RNF212B: variants seen among roughly 807,000 people sequenced by gnomAD.
The protein encoded by RNF212B is ring finger protein 212B, also known as E3 ubiquitin-protein ligase RNF212B.
Under a neutral mutation model 55.5 loss-of-function variants are expected in RNF212B, and 52 were observed. That is an observed-to-expected ratio of 0.94 (90% CI 0.75 to 1.18). The LOEUF is 1.18. Among genes scored for constraint, RNF212B ranks in the 50% most tolerant of loss-of-function variants. The probability of loss-of-function intolerance (pLI) is 0.00; values close to 1 mark genes in which losing one functional copy is unlikely to be tolerated. For synonymous variants in RNF212B, 99 were observed against 121.4 expected, an observed-to-expected ratio of 0.82 and a Z score of 1.21; for missense variants, 289 against 350.4, an observed-to-expected ratio of 0.82 and a Z score of 1.40.
At chr14:23,214,782 AGAG>A (rs1373387100) in intron 2 of RNF212B, among the ~76,000 whole-genome samples, 1 of 152,112 alleles carries the variant, frequency 6.6e-6, no homozygotes, top group Non-Finnish European at 1.5e-5. Context: ...GAGGAGAAAA[AGAG>A]GAGAAAAAAT....
In RNF212B at chr14:23,258,721, T is replaced by A. The variant is rs537652284; in HGVS notation, c.344+57T>A. 82 of 768,298 alleles carry A rather than the reference T, an allele frequency of 1.1e-4. No individual in the cohort carries two copies. In the African/African-American group the frequency reaches 1.3e-3, roughly 12 times the overall value. 47.6% of individuals were successfully genotyped at this position (768,298 alleles called of 1,614,324 possible). On this transcript the variant is annotated intron_variant, in intron 5 of 14. Coordinates refer to ENST00000430154, the MANE Select transcript of RNF212B (RefSeq NM_001282322.3). Reference sequence around the variant, plus strand: ...TTTTTTTTTTTTTTTTTCTAAGAAGTGACAGTCCTTATTGTGTTTGCAAAG... The same window carrying A: ...TTTTTTTTTTTTTTTTTCTAAGAAGAGACAGTCCTTATTGTGTTTGCAAAG...
chr14:23,255,005 A>C (rs1884719163), intron 4 of RNF212B, among the ~76,000 whole-genome samples: 1 of 152,242 alleles, frequency 6.6e-6, no homozygotes, highest in Admixed American at 6.5e-5. Context: ...CCAAAATGGA[A>C]TTACTCATGC....
chr14:23,269,212 G>A (rs998751362), intron 12 of RNF212B, among the ~76,000 whole-genome samples: 2 of 152,152 alleles, frequency 1.3e-5, no homozygotes, highest in African/African-American at 4.8e-5. Flanking sequence ...GTTGAGGCAG[G>A]AGAATTGCTG....
chr14:23,240,183 A>G (rs900806302), intron 1 of RNF212B, among the ~76,000 whole-genome samples, 162 bp from the exon 2 acceptor site: 1 of 152,104 alleles, frequency 6.6e-6, no homozygotes, highest in African/African-American at 2.4e-5. Flanking sequence ...TTCACTGTAT[A>G]TGTACATATA....
chr14:23,260,607 G>T, intron 6 of RNF212B, 52 bp from the exon 7 acceptor site: 1 of 1,510,894 alleles, frequency 6.6e-7, no homozygotes, highest in Admixed American at 2.0e-5. Context: ...AAGATCTGTT[G>T]ATTAGGATCC....
At chr14:23,270,775 A>T (rs1886017964) in intron 14 of RNF212B, 114 bp downstream of exon 14, 1 of 691,638 alleles carries the variant, frequency 1.4e-6, no homozygotes, top group Non-Finnish European at 2.6e-6. Context: ...ATGGGTTTCA[A>T]CTCTGGTAAC....
At chr14:23,205,479 C>G (rs2331942) in intron 2 of RNF212B, among the ~76,000 whole-genome samples, 74,187 of 151,986 alleles carry the variant, frequency 0.49, 20,046 homozygotes, top group African/African-American at 0.73. Context: ...TATTTTAATT[C>G]TTTACCTAGA....
intron 1 of RNF212B, among the ~76,000 whole-genome samples, chr14:23,239,324 T>C (rs1424806351): frequency 6.6e-6 from 1 of 152,158 alleles, no homozygotes; most frequent in Non-Finnish European, 1.5e-5. Context: ...CCTCCCAAAG[T>C]GCTGGGATTA....
At chr14:23,203,132 A>G (rs140420240) in intron 2 of RNF212B, among the ~76,000 whole-genome samples, 1,733 of 151,372 alleles carry the variant, frequency 0.011, 25 homozygotes, top group African/African-American at 0.04. Flanking sequence ...TCATCCCCCC[A>G]ACCCTCACCC....
chr14:23,250,339 G>A (rs1265394950), intron 4 of RNF212B, among the ~76,000 whole-genome samples: 1 of 151,898 alleles, frequency 6.6e-6, no homozygotes, highest in African/African-American at 2.4e-5. Flanking sequence ...AATTAGCCAG[G>A]TGTCATGGTG....
intron 2 of RNF212B, among the ~76,000 whole-genome samples, chr14:23,194,734 C>CAAAAAAAAAAAA (rs34019946): frequency 1.3e-5 from 1 of 74,962 alleles, no homozygotes; most frequent in Admixed American, 1.9e-4. Context: ...GACTCTGTCT[C>CAAAAAAAAAAAA]AAAAAAAAAA....
At chr14:23,222,599 AGAG>A (rs1881663474) in intron 2 of RNF212B, among the ~76,000 whole-genome samples, 2 of 152,236 alleles carry the variant, frequency 1.3e-5, no homozygotes, top group Non-Finnish European at 2.9e-5. Context: ...TCTGAAAAGT[AGAG>A]GAGGAGGGAA....
In RNF212B at chr14:23,269,032, C is replaced by T. The variant is rs1258081406; in HGVS notation, c.674+69C>T. 53 of 1,293,692 alleles carry T rather than the reference C, an allele frequency of 4.1e-5. No individual in the cohort carries two copies. The East Asian group carries it at 6.6e-4, about 16-fold the overall frequency. The allele number at this position is 1,293,692 out of a possible 1,614,324, so 80.1% of individuals were successfully genotyped here. On this transcript the variant is annotated intron_variant, in intron 12 of 14. Transcript: ENST00000430154. ...TTAAACTCTGCCAGCAGGCTGGGTG[C>T]GGTGGCTCACGCCTGTAATCCCAGC...
At chr14:23,189,112 A>T (rs771957304) in intron 1 of RNF212B, among the ~76,000 whole-genome samples, 1 of 152,164 alleles carries the variant, frequency 6.6e-6, no homozygotes, top group Non-Finnish European at 1.5e-5. Flanking sequence ...CAGCAATCCT[A>T]CCACAATCTT....
intron 2 of RNF212B, among the ~76,000 whole-genome samples, chr14:23,201,457 A>AT (rs1879279984): frequency 6.6e-6 from 1 of 152,246 alleles, no homozygotes; most frequent in Admixed American, 6.5e-5. Context: ...TATTAGAATT[A>AT]TAAGTTTCTC....
At chr14:23,225,790 T>A (rs573012670) in intron 2 of RNF212B, among the ~76,000 whole-genome samples, 100 of 152,252 alleles carry the variant, frequency 6.6e-4, no homozygotes, top group Non-Finnish European at 1.2e-3. Context: ...ATCATACATT[T>A]AAAAATAACT....
intron 2 of RNF212B, among the ~76,000 whole-genome samples, chr14:23,220,494 T>C (rs915123918): frequency 2.0e-5 from 3 of 151,790 alleles, no homozygotes; most frequent in African/African-American, 7.3e-5. Flanking sequence ...ATCACACCAC[T>C]GCACTCCAGC....
At chr14:23,212,067 T>A (rs1473492737) in intron 2 of RNF212B, among the ~76,000 whole-genome samples, 2 of 152,254 alleles carry the variant, frequency 1.3e-5, no homozygotes, top group Non-Finnish European at 1.5e-5. Context: ...GCAAAAGCAT[T>A]TAACACAATC....
chr14:23,190,028 T>C (rs746786126), intron 1 of RNF212B, among the ~76,000 whole-genome samples: 4 of 151,904 alleles, frequency 2.6e-5, no homozygotes, highest in Admixed American at 1.3e-4. Context: ...AGCAATCATT[T>C]CTCAGTCTTT....
Sources: gnomAD v4.1 joint callset for allele counts (sites outside exome capture counted in the v4.1 genomes callset) on GRCh38, gnomAD v4.1.1 for gene constraint, MANE v1.5 for transcripts, NCBI Gene and HGNC (gene_info 2026-07-23, HGNC 2026-07-21) for gene names.